BIRC6: variants seen among roughly 807,000 people sequenced by gnomAD.
BIRC6 encodes the protein dual E2 ubiquitin-conjugating enzyme/E3 ubiquitin-protein ligase BIRC6.
BIRC6 carries 98 observed loss-of-function variants against 503.3 expected under a neutral mutation model. The ratio of observed to expected loss-of-function variants is 0.19; its 90% CI spans 0.17 to 0.23. The LOEUF (loss-of-function observed/expected upper bound fraction) is 0.23, where lower values mean the gene tolerates loss of function less well. Ranked by LOEUF, BIRC6 falls within the 10% of genes least tolerant of loss-of-function variation. The pLI is 1.00. For synonymous variants in BIRC6, 2,240 were observed against 2,078.7 expected, an observed-to-expected ratio of 1.08 and a Z score of -2.11; for missense variants, 5,360 against 5,806.0, an observed-to-expected ratio of 0.92 and a Z score of 2.50.
At chr2:32,423,020 C>T (rs1053630909) in intron 10 of BIRC6, among the ~76,000 whole-genome samples, 1 of 152,168 alleles carries the variant, frequency 6.6e-6, no homozygotes, top group South Asian at 2.1e-4. Context: ...TCACTGCAGC[C>T]TCCACCTCCT....
chr2:32,592,151 A>T (rs1236192648), intron 66 of BIRC6, among the ~76,000 whole-genome samples: 1 of 152,234 alleles, frequency 6.6e-6, no homozygotes, highest in Non-Finnish European at 1.5e-5. Context: ...ATATATTCAG[A>T]TACATGTACA....
chr2:32,597,509 TA>T (rs2061749865), intron 68 of BIRC6, among the ~76,000 whole-genome samples: 1 of 152,218 alleles, frequency 6.6e-6, no homozygotes, highest in South Asian at 2.1e-4. Context: ...TTGTTTTTTA[TA>T]AAAGTTAAAG....
intron 11 of BIRC6, 39 bp from the exon 12 acceptor site, chr2:32,430,826 T>TTTTCC: frequency 4.3e-6 from 4 of 939,276 alleles, no homozygotes; most frequent in Admixed American, 2.3e-5. Context: ...TTTTTTTTTT[T>TTTTCC]CCACACCTAT....
At position 32,445,504 on chromosome 2, in the gene BIRC6, G is replaced by A. The variant is rs368444857; in HGVS notation, c.4337-17G>A. 8 of 1,521,492 alleles carry A rather than the reference G, an allele frequency of 5.3e-6. No individual in the cohort carries two copies. In the African/African-American group the frequency reaches 1.1e-4, roughly 21 times the overall value. The allele number at this position is 1,521,492 out of a possible 1,614,324, so 94.2% of individuals were successfully genotyped here. A position where few individuals can be genotyped will look rare whatever the true frequency, so the allele number is the denominator to read the frequency against. ...AGGAGGAAAAAGAAACATTTATTTT[G>A]TTTTTATTGTTTCCAGGTTCTGTCT... On this transcript the variant is annotated splice_polypyrimidine_tract_variant and intron_variant, in intron 20 of 73. Coordinates refer to ENST00000421745, the MANE Select transcript of BIRC6 (RefSeq NM_016252.4).
rs572564541 is a variant in BIRC6, at chr2:32,430,512, T to A, written c.3023-353T>A. ...ATAGGGTCTAAAAGTTAATTATTGG[T>A]CTGATGTACATTGGCTTGCACTTTA... On this transcript the variant is annotated intron_variant, in intron 11 of 73. Coordinates refer to ENST00000421745, the MANE Select transcript of BIRC6 (RefSeq NM_016252.4). Among the ~76,000 whole-genome samples, 80 of 152,302 alleles carry A rather than the reference T, an allele frequency of 5.3e-4. 1 individual carries two copies. The highest frequency in any genetic ancestry group is 1.9e-3 in the African/African-American group (77 of 41,574).
intron 65 of BIRC6, among the ~76,000 whole-genome samples, chr2:32,553,511 C>G (rs1283317136): frequency 6.6e-6 from 1 of 151,942 alleles, no homozygotes; most frequent in Non-Finnish European, 1.5e-5. Flanking sequence ...CCTCAGCCAC[C>G]CGAGTAGCTG....
intron 22 of BIRC6, among the ~76,000 whole-genome samples, chr2:32,450,683 C>G (rs773324080): frequency 6.6e-6 from 1 of 152,158 alleles, no homozygotes; most frequent in Non-Finnish European, 1.5e-5. Context: ...TTGTTCCTCT[C>G]TATCCGTGGG....
rs754017355 is a variant in BIRC6 at position 32,493,679 on chromosome 2, T to G, written c.8468+12T>G. Reference sequence around the variant, plus strand: ...CTTTCAACTGAAAGGTAAATTTTTGTGTACTAATTTGTTCCTGATATAGAA... The same window carrying G: ...CTTTCAACTGAAAGGTAAATTTTTGGGTACTAATTTGTTCCTGATATAGAA... On this transcript the variant is annotated intron_variant, in intron 45 of 73. Coordinates refer to ENST00000421745, the MANE Select transcript of BIRC6 (RefSeq NM_016252.4). The G allele has an allele frequency of 8.2e-6, 13 of 1,579,726 alleles. No individual in the cohort carries two copies. The highest frequency in any genetic ancestry group is 1.1e-5 in the Non-Finnish European group (13 of 1,156,074).
chr2:32,616,534 T>G (rs911008959), intron 73 of BIRC6, among the ~76,000 whole-genome samples: 16 of 132,478 alleles, frequency 1.2e-4, no homozygotes, highest in African/African-American at 4.8e-4. Context: ...CACTCTAGCC[T>G]GGGTGACACA....
At chr2:32,607,735 T>C (rs1011557774) in intron 72 of BIRC6, 92 bp downstream of exon 72, 82 of 1,143,252 alleles carry the variant, frequency 7.2e-5, no homozygotes, top group Non-Finnish European at 9.6e-5. Context: ...CTCAGCACTT[T>C]GGGAGGTCAA....
intron 65 of BIRC6, among the ~76,000 whole-genome samples, chr2:32,555,413 G>A (rs534009586): frequency 3.3e-5 from 5 of 151,318 alleles, no homozygotes; most frequent in Admixed American, 6.6e-5. Flanking sequence ...GGCCGACCCG[G>A]GCAGATCATG....
Position 32,531,526 on chromosome 2 carries a change from T to C in BIRC6, c.12266T>C (p.Met4089Thr). 6.2e-7 allele frequency: 1 copy of C among 1,613,004 alleles called. No homozygotes were observed. Residue 4089 changes from methionine to threonine, a missense_variant, in exon 61 of 74, where the codon ATG (methionine) becomes ACG (threonine). Met to Thr is a moderately conservative substitution (Grantham distance 81). Transcript: ENST00000421745. ...GLALIAERLP[M>T]LYPEVIQQVS... Reference sequence around the variant, plus strand: ...GCTCTTATTGCTGAAAGACTACCCATGCTATATCCAGAAGTAATTCAACAG... The same window carrying C: ...GCTCTTATTGCTGAAAGACTACCCACGCTATATCCAGAAGTAATTCAACAG...
At chr2:32,579,280 A>G (rs1405030318) in intron 66 of BIRC6, among the ~76,000 whole-genome samples, 1 of 151,952 alleles carries the variant, frequency 6.6e-6, no homozygotes, top group African/African-American at 2.4e-5. Flanking sequence ...TATCCTGTCT[A>G]TCTTGAAATC....
At chr2:32,608,605 CG>C (rs1280138606) in intron 72 of BIRC6, among the ~76,000 whole-genome samples, 2 of 151,902 alleles carry the variant, frequency 1.3e-5, no homozygotes, top group Non-Finnish European at 2.9e-5. Flanking sequence ...TTAGTAGAGA[CG>C]GGGTTTCACC....
chr2:32,421,298 G>C (rs1328590865), intron 10 of BIRC6, among the ~76,000 whole-genome samples: 1 of 151,498 alleles, frequency 6.6e-6, no homozygotes, highest in Non-Finnish European at 1.5e-5. Context: ...GAAGAGACAG[G>C]GTCTCACCAC....
intron 5 of BIRC6, among the ~76,000 whole-genome samples, chr2:32,392,618 AATT>A (rs751476145): frequency 3.3e-5 from 5 of 152,026 alleles, no homozygotes; most frequent in Non-Finnish European, 7.4e-5. Flanking sequence ...TTTAAAAAAC[AATT>A]ATTTTTATTT....
chr2:32,480,198 C>T (rs1379342598), intron 37 of BIRC6, among the ~76,000 whole-genome samples: 1 of 152,056 alleles, frequency 6.6e-6, no homozygotes, highest in Non-Finnish European at 1.5e-5. Flanking sequence ...CCTGTGTGCA[C>T]GATGAACACT....
At chr2:32,507,933 C>G (rs1218929905) in intron 50 of BIRC6, 47 bp from the exon 51 acceptor site, 1 of 1,558,976 alleles carries the variant, frequency 6.4e-7, no homozygotes, top group Non-Finnish European at 8.7e-7. Context: ...ACTGTTCAAT[C>G]TAGTATACTT....
At chr2:32,516,221 T>A (rs1239081483) in intron 55 of BIRC6, among the ~76,000 whole-genome samples, 1 of 152,074 alleles carries the variant, frequency 6.6e-6, no homozygotes, top group Non-Finnish European at 1.5e-5. Context: ...ACATACAAAA[T>A]GTGGAAGATA....
Sources: allele counts gnomAD v4.1 joint callset (sites outside exome capture counted in the v4.1 genomes callset), GRCh38; gene constraint gnomAD v4.1.1; transcripts MANE v1.5; gene names NCBI Gene and HGNC (gene_info 2026-07-23, HGNC 2026-07-21).